The following QSER1 variants were observed in gnomAD, a reference collection of about 807,000 sequenced individuals.
QSER1 encodes the protein glutamine and serine-rich protein 1.
In QSER1, 49 loss-of-function variants were observed where a neutral mutation model predicts 158.5. The observed-to-expected ratio is 0.31, with a 90% CI of 0.25 to 0.39. The LOEUF is 0.39. Among genes scored for constraint, QSER1 ranks in the 10% least tolerant of loss-of-function variants. The pLI, the probability that QSER1 is intolerant of heterozygous loss-of-function variation, is 1.00. For missense variants in QSER1, 1,754 were observed against 2,010.3 expected (o/e 0.87, Z 2.44); for synonymous variants, 650 against 715.5 (o/e 0.91, Z 1.46).
Position 32,931,899 on chromosome 11 carries a change from T to C in QSER1, c.641T>C (p.Phe214Ser). 6.2e-7 allele frequency: 1 copy of C among 1,614,190 alleles called. No homozygotes were observed. Among genetic ancestry groups the C allele is most frequent in the Non-Finnish European group, 8.5e-7 (1 of 1,180,026 alleles). ...CCTTTGGTGCTTCAGGATTCAACTT[T>C]TAACACTACATCAAATGGAATTTTA... ...TSPLVLQDSTFNTTSNGILSH... is the reference protein window; with the variant it reads ...TSPLVLQDSTSNTTSNGILSH... The change falls in exon 4 of 13, where the codon TTT becomes TCT. Residue 214 changes from phenylalanine (F) to serine (S), a missense_variant. By Grantham distance (155) the Phe-to-Ser change is radical. Around this residue, in one of 2 missense-constraint regions of QSER1, gnomAD observed 1,707 missense variants for 1,919.6 expected, o/e 0.89. Transcript: ENST00000650167.
At chr11:32,965,294 T>A (rs1019266811) in intron 8 of QSER1, among the ~76,000 whole-genome samples, 2 of 151,866 alleles carry the variant, frequency 1.3e-5, no homozygotes, top group African/African-American at 4.8e-5. Flanking sequence ...ATATTTTTTT[T>A]AATTGAAACG....
In QSER1 at chr11:32,932,290, T is replaced by C. The variant is rs749482691; in HGVS notation, c.1032T>C (p.Tyr344=). Residue 344 remains tyrosine (Y), a synonymous_variant, in exon 4 of 13, where the codon TAT becomes TAC. Coordinates refer to ENST00000650167, the MANE Select transcript of QSER1 (RefSeq NM_001076786.3). ...LTGSQHSLHS[Y]LSNSSVVNFQ... Reference sequence around the variant, plus strand: ...GTTCACAGCACTCCTTACATAGTTATCTATCAAATTCAAGTGTAGTTAATT... The same window carrying C: ...GTTCACAGCACTCCTTACATAGTTACCTATCAAATTCAAGTGTAGTTAATT... 5.6e-6 allele frequency: 9 copies of C among 1,613,808 alleles called. No individual in the cohort carries two copies. Among genetic ancestry groups the C allele is most frequent in the Non-Finnish European group, 7.6e-6 (9 of 1,180,040 alleles).
At chr11:32,908,799 G>A (rs1371359407) in intron 1 of QSER1, among the ~76,000 whole-genome samples, 2 of 152,120 alleles carry the variant, frequency 1.3e-5, no homozygotes, top group Non-Finnish European at 2.9e-5. Context: ...GCAAATTTAT[G>A]TTTAACATTT....
chr11:32,931,795 C>G lies in QSER1; in HGVS notation c.537C>G (p.Ser179Arg). Residue 179 changes from serine to arginine, a missense_variant, in exon 4 of 13, where the codon AGC becomes AGG. By Grantham distance (110) the Ser-to-Arg change is moderately radical. Transcript: ENST00000650167. ...TGTTTGCTACTGGACCTTTGCCAAG[C>G]ACTGGAACACTTCCACCATCTCTCT... ...TELFATGPLP[S>R]TGTLPPSLSA... 6.2e-7 allele frequency: 1 copy of G among 1,613,496 alleles called. No individual in the cohort carries two copies. Among genetic ancestry groups the G allele is most frequent in the Non-Finnish European group, 8.5e-7 (1 of 1,179,698 alleles).
At chr11:32,973,648 C>A in intron 11 of QSER1, 99 bp downstream of exon 11, 1 of 1,189,158 alleles carries the variant, frequency 8.4e-7, no homozygotes, top group Non-Finnish European at 1.2e-6. Flanking sequence ...ACTATGTTGT[C>A]ATTAAGTGTG....
chr11:32,936,105 T>G (rs1422211565), intron 4 of QSER1, among the ~76,000 whole-genome samples: 4 of 152,134 alleles, frequency 2.6e-5, no homozygotes, highest in African/African-American at 9.7e-5. Context: ...TAGTTACATA[T>G]GTATACATGT....
At chr11:32,976,258 A>G in intron 12 of QSER1, 76 bp from the exon 13 acceptor site, 1 of 1,264,960 alleles carries the variant, frequency 7.9e-7, no homozygotes, top group Non-Finnish European at 1.1e-6. Context: ...AGAAAAAAAT[A>G]AAATACCAGT....
intron 4 of QSER1, among the ~76,000 whole-genome samples, chr11:32,946,296 G>A (rs949941268): frequency 6.6e-6 from 1 of 152,186 alleles, no homozygotes; most frequent in African/African-American, 2.4e-5. Context: ...GCGTTCCTTT[G>A]GAGGAGGAGA....
intron 12 of QSER1, 62 bp downstream of exon 12, chr11:32,975,405 T>C (rs747138116): frequency 5.7e-6 from 9 of 1,591,170 alleles, no homozygotes; most frequent in South Asian, 3.3e-5. Context: ...ACTCTAGCCA[T>C]AGTATTTTGG....
chr11:32,961,643 C>T (rs556230578), intron 8 of QSER1, among the ~76,000 whole-genome samples: 1 of 152,296 alleles, frequency 6.6e-6, no homozygotes, highest in East Asian at 1.9e-4. Flanking sequence ...TCTCTAGCTA[C>T]TGGTAACCTC....
intron 9 of QSER1, among the ~76,000 whole-genome samples, chr11:32,966,941 C>T (rs1292099124): frequency 6.6e-6 from 1 of 152,144 alleles, no homozygotes; most frequent in East Asian, 1.9e-4. Flanking sequence ...TTTGAGAAAT[C>T]TCCATACTGT....
chr11:32,931,139 G>A (rs1852039771), intron 3 of QSER1, among the ~76,000 whole-genome samples: 2 of 150,772 alleles, frequency 1.3e-5, no homozygotes, highest in Non-Finnish European at 3.0e-5. Flanking sequence ...ATTTTGTGTT[G>A]GTACTTTGGG....
chr11:32,957,544 G>A (rs1852540983), intron 7 of QSER1, among the ~76,000 whole-genome samples: 1 of 152,014 alleles, frequency 6.6e-6, no homozygotes, highest in Admixed American at 6.6e-5. Context: ...ACCTTCCTAA[G>A]CCCACTGATC....
rs1852118122 is a variant in QSER1, at chr11:32,934,756, C to T, written c.3498C>T (p.Asn1166=). ...GTGACGACAGTGGTGTGTCAATGAA[C>T]CCAGCTAGGAGTGCACTTGCACTGT... The part of the protein sequence containing the change: ...LGGDDSGVSM[N]PARSALALLA... The change falls in exon 4 of 13, where the codon AAC becomes AAT. Residue 1166 remains asparagine (N), a synonymous_variant. Coordinates refer to ENST00000650167, the MANE Select transcript of QSER1 (RefSeq NM_001076786.3). 6.2e-7 allele frequency: 1 copy of T among 1,613,874 alleles called. No individual in the cohort carries two copies. The highest frequency in any genetic ancestry group is 1.1e-5 in the South Asian group (1 of 91,064).
intron 4 of QSER1, among the ~76,000 whole-genome samples, chr11:32,936,054 T>TA (rs555064108): frequency 6.6e-6 from 1 of 152,184 alleles, no homozygotes; most frequent in Non-Finnish European, 1.5e-5. Context: ...TTTTTTTTTT[T>TA]ATACTTTAAG....
intron 10 of QSER1, among the ~76,000 whole-genome samples, chr11:32,970,946 C>CTTTTTTTTTTT (rs776051259): frequency 2.6e-5 from 2 of 76,872 alleles, no homozygotes; most frequent in Admixed American, 2.1e-4. Context: ...AAGCAATTTG[C>CTTTTTTTTTTT]TTTTTTTTTT....
intron 8 of QSER1, among the ~76,000 whole-genome samples, chr11:32,958,588 C>T (rs1423745777): frequency 6.6e-6 from 1 of 152,064 alleles, no homozygotes; most frequent in East Asian, 1.9e-4. Flanking sequence ...TGCTTTGTCA[C>T]CCAGGATGGT....
At chr11:32,920,659 T>G (rs1851888703) in intron 1 of QSER1, among the ~76,000 whole-genome samples, 1 of 152,208 alleles carries the variant, frequency 6.6e-6, no homozygotes, top group Non-Finnish European at 1.5e-5. Context: ...ACTCTTATAC[T>G]TTAATAATAA....
intron 11 of QSER1, 76 bp downstream of exon 11, chr11:32,973,625 A>G (rs1852913218): frequency 7.3e-7 from 1 of 1,364,084 alleles, no homozygotes; most frequent in Admixed American, 2.3e-5. Flanking sequence ...ACATTGAAAC[A>G]AGCAAATATT....
Sources: allele counts gnomAD v4.1 joint callset (sites outside exome capture counted in the v4.1 genomes callset), GRCh38; gene constraint gnomAD v4.1.1; regional missense constraint gnomAD v4.1.1; transcripts MANE v1.5; gene names NCBI Gene and HGNC (gene_info 2026-07-23, HGNC 2026-07-21).